SPOCK1: variants seen among roughly 807,000 people sequenced by gnomAD.
The protein encoded by SPOCK1 is SPARC (osteonectin), cwcv and kazal like domains proteoglycan 1.
In SPOCK1, 23 loss-of-function variants were observed where a neutral mutation model predicts 55.3. That is an observed-to-expected ratio of 0.42 (90% CI 0.30 to 0.59). The LOEUF (loss-of-function observed/expected upper bound fraction) is 0.59, where lower values mean the gene tolerates loss of function less well. Ranked by LOEUF, SPOCK1 falls within the 20% of genes least tolerant of loss-of-function variation. SPOCK1 has a pLI of 0.22. For synonymous variants in SPOCK1, 226 were observed against 221.0 expected (o/e 1.02, Z -0.20); for missense variants, 499 against 552.5 (o/e 0.90, Z 0.97).
chr5:137,411,121 G>A (rs1343378829), intron 2 of SPOCK1, among the ~76,000 whole-genome samples: 1 of 152,158 alleles, frequency 6.6e-6, no homozygotes, highest in East Asian at 1.9e-4. Flanking sequence ...ATACAGTGGG[G>A]AAAAGGACAG....
rs114575926 is a variant in SPOCK1 at position 137,448,946 on chromosome 5, T to A, written c.186+49427A>T. ...GTAGGAATCTGGCCTGACACCTGATTTCCACGGAGTTGTCAGTGGGGTGCC... is the reference window on the plus strand; with the variant it reads ...GTAGGAATCTGGCCTGACACCTGATATCCACGGAGTTGTCAGTGGGGTGCC... On this transcript the variant is annotated intron_variant, in intron 2 of 10. Transcript: ENST00000394945. 8.6e-3 allele frequency among the ~76,000 whole-genome samples: 1,309 copies of A among 152,282 alleles called. 19 individuals are homozygous for A. Among genetic ancestry groups the A allele is most frequent in the African/African-American group, 0.03 (1,245 of 41,560 alleles).
rs1757390357 is a variant in SPOCK1, at chr5:137,292,478, G to A, written c.187-25423C>T. Among the ~76,000 whole-genome samples the A allele has an allele frequency of 3.6e-5, 4 of 111,090 alleles. No individual in the cohort carries two copies. In the Admixed American group the frequency reaches 4.4e-4, roughly 12 times the overall value. 72.9% of individuals were successfully genotyped at this position (111,090 alleles called of 152,430 possible). A position where few individuals can be genotyped will look rare whatever the true frequency, so the allele number is the denominator to read the frequency against. On this transcript the variant is annotated intron_variant, in intron 2 of 10. Transcript: ENST00000394945. Reference sequence around the variant, plus strand: ...AAAAAAAAAAAAAAAAAAAGTTGGAGGAGCCAGACCAAAATGCTGGGGCAG... The same window carrying A: ...AAAAAAAAAAAAAAAAAAAGTTGGAAGAGCCAGACCAAAATGCTGGGGCAG...
At position 137,203,900 on chromosome 5, in the gene SPOCK1, T is replaced by C. The variant is rs149696441; in HGVS notation, c.232+63110A>G. On this transcript the variant is annotated intron_variant, in intron 3 of 10. Transcript: ENST00000394945. ...ATTATGGAAAATCCCTCTTAAGTAA[T>C]GTGGATTAGCAATGTAGATGTGCCA... 5.4e-4 allele frequency among the ~76,000 whole-genome samples: 82 copies of C among 152,274 alleles called. 1 individual carries two copies. Among genetic ancestry groups the C allele is most frequent in the South Asian group, 5.0e-3 (24 of 4,820 alleles).
chr5:137,238,426 A>T (rs1756222795), intron 3 of SPOCK1, among the ~76,000 whole-genome samples: 2 of 152,254 alleles, frequency 1.3e-5, no homozygotes, highest in Non-Finnish European at 2.9e-5. Context: ...CTTTCACAGA[A>T]AAACTAAATG....
chr5:137,337,649 T>C (rs1006345640), intron 2 of SPOCK1, among the ~76,000 whole-genome samples: 1 of 152,216 alleles, frequency 6.6e-6, no homozygotes, highest in Non-Finnish European at 1.5e-5. Flanking sequence ...AAGTATCAAT[T>C]CACACTAAGA....
At chr5:137,133,403 G>A (rs1371488218) in intron 4 of SPOCK1, among the ~76,000 whole-genome samples, 1 of 151,992 alleles carries the variant, frequency 6.6e-6, no homozygotes, top group Non-Finnish European at 1.5e-5. Context: ...TTGTAAAGGG[G>A]GACCCCCAGC....
intron 3 of SPOCK1, among the ~76,000 whole-genome samples, chr5:137,265,017 T>C (rs1756822049): frequency 1.3e-5 from 2 of 152,170 alleles, no homozygotes; most frequent in Non-Finnish European, 2.9e-5. Flanking sequence ...GACCCAGTTT[T>C]CAAGCCTGCA....
chr5:137,011,888 A>G (rs2126974978), intron 6 of SPOCK1, among the ~76,000 whole-genome samples: 1 of 152,338 alleles, frequency 6.6e-6, no homozygotes, highest in Non-Finnish European at 1.5e-5. Context: ...TCCAAGTGGC[A>G]CCAGTGCAGT....
intron 3 of SPOCK1, among the ~76,000 whole-genome samples, chr5:137,174,043 C>A (rs77277699): frequency 1.3e-5 from 2 of 152,220 alleles, no homozygotes; most frequent in South Asian, 4.1e-4. Context: ...AAGAAATTCA[C>A]AAGCATCTGT....
intron 6 of SPOCK1, among the ~76,000 whole-genome samples, chr5:137,005,700 C>T (rs1042976502): frequency 1.2e-4 from 18 of 151,682 alleles, no homozygotes; most frequent in African/African-American, 3.9e-4. Context: ...GAGTGAACAA[C>T]ATGAAGAGGA....
intron 3 of SPOCK1, among the ~76,000 whole-genome samples, chr5:137,256,697 C>T (rs887015130): frequency 2.0e-5 from 3 of 152,124 alleles, no homozygotes; most frequent in African/African-American, 7.2e-5. Flanking sequence ...AGCACAGTCC[C>T]AACAAAGACA....
chr5:136,993,044 G>T (rs1750977048), intron 6 of SPOCK1: 1 of 153,186 alleles, frequency 6.5e-6, no homozygotes, highest in Non-Finnish European at 1.5e-5. Context: ...GACACCAAAA[G>T]ATCCTATTAA....
At chr5:137,427,765 C>T (rs1016602666) in intron 2 of SPOCK1, among the ~76,000 whole-genome samples, 8 of 151,958 alleles carry the variant, frequency 5.3e-5, no homozygotes, top group Admixed American at 2.0e-4. Flanking sequence ...AAAAATTAGC[C>T]GGGTGCTGTG....
intron 3 of SPOCK1, among the ~76,000 whole-genome samples, chr5:137,258,424 A>G (rs1307312251): frequency 2.0e-5 from 3 of 152,260 alleles, no homozygotes; most frequent in Non-Finnish European, 4.4e-5. Flanking sequence ...TGAAAGTTGT[A>G]GAGGACGCAG....
chr5:137,316,249 T>C (rs367864313), intron 2 of SPOCK1, among the ~76,000 whole-genome samples: 2 of 152,208 alleles, frequency 1.3e-5, no homozygotes, highest in African/African-American at 2.4e-5. Flanking sequence ...ATGAAGGACA[T>C]GCCCTCAAAT....
chr5:137,128,083 T>C (rs925957163), intron 4 of SPOCK1, among the ~76,000 whole-genome samples: 2 of 152,196 alleles, frequency 1.3e-5, no homozygotes, highest in Non-Finnish European at 2.9e-5. Context: ...GTCATGAAAG[T>C]GGAGACCTCA....
intron 2 of SPOCK1, among the ~76,000 whole-genome samples, chr5:137,298,271 C>T (rs1757526065): frequency 6.6e-6 from 1 of 152,138 alleles, no homozygotes; most frequent in Admixed American, 6.5e-5. Context: ...ATGGGGTCTC[C>T]TGAGAGCATG....
At chr5:137,094,906 G>A (rs1423302110) in intron 5 of SPOCK1, among the ~76,000 whole-genome samples, 5 of 152,150 alleles carry the variant, frequency 3.3e-5, no homozygotes, top group African/African-American at 9.7e-5. Context: ...CGCTAAGCAC[G>A]ATCATTTCTA....
In SPOCK1 at chr5:137,469,752, T is replaced by G. The variant is rs866599175; in HGVS notation, c.186+28621A>C. ...GTAAATGCTCCTGATGGCTCAGAAC[T>G]GTCTTGTCATGGACCTCCATCATGG... On this transcript the variant is annotated intron_variant, in intron 2 of 10. Coordinates refer to ENST00000394945, the MANE Select transcript of SPOCK1 (RefSeq NM_004598.4). Among the ~76,000 whole-genome samples the G allele has an allele frequency of 3.9e-5, 6 of 152,330 alleles. No homozygotes were observed. The South Asian group carries it at 1.0e-3, about 26-fold the overall frequency.
Sources: allele counts gnomAD v4.1 joint callset (sites outside exome capture counted in the v4.1 genomes callset), GRCh38; gene constraint gnomAD v4.1.1; transcripts MANE v1.5; gene names NCBI Gene and HGNC (gene_info 2026-07-23, HGNC 2026-07-21).